PEX11G: variants seen among roughly 807,000 people sequenced by gnomAD.
PEX11G encodes peroxisomal membrane protein 11C.
PEX11G carries 20 observed loss-of-function variants against 22.5 expected under a neutral mutation model. The ratio of observed to expected loss-of-function variants is 0.89; its 90% confidence interval spans 0.62 to 1.29. The LOEUF (loss-of-function observed/expected upper bound fraction) is 1.29. Ranked by LOEUF, PEX11G falls within the 50% of genes most tolerant of loss-of-function variation. The pLI is 0.00. For missense variants in PEX11G, 347 were observed against 331.3 expected (o/e 1.05, Z -0.37); for synonymous variants, 141 against 154.5 (o/e 0.91, Z 0.65).
chr19:7,478,452 A>G (rs1214589751), intron 3 of PEX11G, 76 bp from the exon 4 acceptor site: 2 of 1,456,322 alleles, frequency 1.4e-6, no homozygotes, highest in Non-Finnish European at 1.9e-6. Context: ...GGCCCCGGAC[A>G]TACAGTCTGG....
At chr19:7,490,217 G>T (rs1306494238), upstream of PEX11G, among the ~76,000 whole-genome samples, 2 of 152,014 alleles carry the variant, frequency 1.3e-5, no homozygotes, top group African/African-American at 4.8e-5. Flanking sequence ...TATGTTGAAG[G>T]TGCTATATAA....
intron 1 of PEX11G, among the ~76,000 whole-genome samples, chr19:7,494,719 A>C (rs778300332): frequency 7.2e-5 from 11 of 152,180 alleles, no homozygotes; most frequent in Non-Finnish European, 1.5e-4. Flanking sequence ...CTGGCCTGGC[A>C]GTCAAAGCAG....
Position 7,477,233 on chromosome 19 carries a change from G to A in PEX11G, c.695C>T (p.Ala232Val). The change falls in exon 5 of 5, where the codon GCC becomes GTC. Residue 232 changes from alanine (A) to valine (V), a missense_variant. Coordinates refer to ENST00000221480, the MANE Select transcript of PEX11G (RefSeq NM_080662.4). Reference sequence around the variant, plus strand: ...GGTAGTGGCCTCGGCCTGGCCGCCGGCCCGGGCCGCCTGGTACATGCTGAG... The same window carrying A: ...GGTAGTGGCCTCGGCCTGGCCGCCGACCCGGGCCGCCTGGTACATGCTGAG... The part of the protein sequence containing the change: ...SILSMYQAAR[A>V]GGQAEATTP 6.5e-7 allele frequency: 1 copy of A among 1,538,714 alleles called. No homozygotes were observed. The highest frequency in any genetic ancestry group is 8.7e-7 in the Non-Finnish European group (1 of 1,147,096).
upstream of PEX11G, among the ~76,000 whole-genome samples, chr19:7,493,446 C>A (rs915801220): frequency 3.3e-5 from 5 of 151,912 alleles, no homozygotes; most frequent in African/African-American, 4.8e-5. Context: ...CCACCCACTT[C>A]GGCCTCCCAA....
At chr19:7,488,177 T>C (rs2021747782) in intron 1 of PEX11G, among the ~76,000 whole-genome samples, 1 of 152,234 alleles carries the variant, frequency 6.6e-6, no homozygotes, top group African/African-American at 2.4e-5. Context: ...CTGTTTGGTA[T>C]GTAAACGTCC....
upstream of PEX11G, among the ~76,000 whole-genome samples, chr19:7,493,280 C>T (rs561171664): frequency 1.4e-5 from 2 of 147,602 alleles, no homozygotes; most frequent in South Asian, 4.3e-4. Context: ...GCCATCTCCA[C>T]CTCCCGGGTT....
At chr19:7,487,253 G>A (rs1186844352) in intron 1 of PEX11G, among the ~76,000 whole-genome samples, 1 of 152,134 alleles carries the variant, frequency 6.6e-6, no homozygotes, top group East Asian at 1.9e-4. Context: ...CAGCTAAAGT[G>A]TATATTTACA....
In PEX11G at chr19:7,485,967, G is replaced by A. The variant is rs754176074; in HGVS notation, c.120C>T (p.Pro40=). The A allele has an allele frequency of 1.5e-4, 248 of 1,610,142 alleles. No individual in the cohort carries two copies. The highest frequency in any genetic ancestry group is 2.0e-4 in the Non-Finnish European group (241 of 1,177,262). ...LVGGVLVEQC[P]ARSEVGTRLL... ...GACGTGTCCCCACTTCGGACCTGGC[G>A]GGACACTGTTCAACCAGAACTCCAC... The change falls in exon 2 of 5, where the codon CCC becomes CCT. Residue 40 remains proline, a synonymous_variant. Coordinates refer to ENST00000221480, the MANE Select transcript of PEX11G (RefSeq NM_080662.4).
chr19:7,483,795 A>G (rs1977616365), intron 2 of PEX11G, among the ~76,000 whole-genome samples: 1 of 152,020 alleles, frequency 6.6e-6, no homozygotes, highest in South Asian at 2.1e-4. Context: ...GAGAACAGAC[A>G]GGGCAGCCCA....
intron 2 of PEX11G, among the ~76,000 whole-genome samples, chr19:7,483,796 G>A (rs555013250): frequency 4.4e-4 from 67 of 152,214 alleles, no homozygotes; most frequent in African/African-American, 1.5e-3. Context: ...AGAACAGACA[G>A]GGCAGCCCAG....
chr19:7,491,849 G>A (rs191301017), upstream of PEX11G, among the ~76,000 whole-genome samples: 90 of 151,886 alleles, frequency 5.9e-4, 1 homozygote, highest in South Asian at 1.0e-3. Flanking sequence ...GTAGAGATGC[G>A]GTCTCGCTAT....
Position 7,477,430 on chromosome 19 carries a change from C to CA in PEX11G, c.497dup (p.Pro167AlafsTer123). ...CCATGGCCCTCCGCTTGCCCCGGGG[C>CA]AGCGGGCTGTGGGGCAGAGAGGGGC... On this transcript the variant is annotated frameshift_variant, in exon 5 of 5. Coordinates refer to ENST00000221480, the MANE Select transcript of PEX11G (RefSeq NM_080662.4). LOFTEE classifies it low-confidence loss of function (END_TRUNC). 1 of 1,447,168 alleles carries CA rather than the reference C, an allele frequency of 6.9e-7. No homozygotes were observed. The allele number at this position is 1,447,168 out of a possible 1,614,324, so 89.6% of individuals were successfully genotyped here.
chr19:7,485,819 GC>G lies in PEX11G; in HGVS notation c.249+18del, dbSNP rs1268499022. On this transcript the variant is annotated intron_variant, in intron 2 of 4. Coordinates refer to ENST00000221480, the MANE Select transcript of PEX11G (RefSeq NM_080662.4). ...TCAGGTCCGCACCCTACTCCCTAGA[GC>G]CCCACAAACCCTGTTACCTGTGCCC... 2 of 1,578,050 alleles carry G rather than the reference GC, an allele frequency of 1.3e-6. No individual in the cohort carries two copies. Among genetic ancestry groups the G allele is most frequent in the African/African-American group, 1.3e-5 (1 of 74,252 alleles).
chr19:7,485,276 T>C (rs1275832619), intron 2 of PEX11G, among the ~76,000 whole-genome samples: 1 of 152,208 alleles, frequency 6.6e-6, no homozygotes, highest in Non-Finnish European at 1.5e-5. Context: ...GTTCAAGTGA[T>C]TCTCCTGCCT....
rs1937343820 is a variant in PEX11G at position 7,482,281 on chromosome 19, G to A, written c.250-70C>T. ...CTGCCCATTTTAGCACCGTAGCCATGCCAGGTGGCAGAGAGCTATTTCCTG... is the reference window on the plus strand; with the variant it reads ...CTGCCCATTTTAGCACCGTAGCCATACCAGGTGGCAGAGAGCTATTTCCTG... On this transcript the variant is annotated intron_variant, in intron 2 of 4. Coordinates refer to ENST00000221480, the MANE Select transcript of PEX11G (RefSeq NM_080662.4). 8 of 1,444,368 alleles carry A rather than the reference G, an allele frequency of 5.5e-6. No individual in the cohort carries two copies. In the South Asian group the frequency reaches 1.1e-4, roughly 19 times the overall value. The allele number at this position is 1,444,368 out of a possible 1,614,324, so 89.5% of individuals were successfully genotyped here. A position where few individuals can be genotyped will look rare whatever the true frequency, so the allele number is the denominator to read the frequency against.
chr19:7,485,791 C>T, intron 2 of PEX11G, 47 bp downstream of exon 2: 1 of 1,467,532 alleles, frequency 6.8e-7, no homozygotes, highest in Non-Finnish European at 9.1e-7. Flanking sequence ...AAAAAATGTC[C>T]ACTCAGGTCC....
At chr19:7,478,959 G>A (rs1358809137) in intron 3 of PEX11G, among the ~76,000 whole-genome samples, 7 of 152,130 alleles carry the variant, frequency 4.6e-5, no homozygotes, top group African/African-American at 1.2e-4. Context: ...CTCTGCAGCC[G>A]TGCATGGCAC....
chr19:7,482,736 T>A (rs997475751), intron 2 of PEX11G, among the ~76,000 whole-genome samples: 17 of 152,200 alleles, frequency 1.1e-4, no homozygotes, highest in African/African-American at 3.1e-4. Flanking sequence ...TGCCAACCCT[T>A]GGGCCACCGC....
chr19:7,487,108 CA>C (rs1221083963), intron 1 of PEX11G, among the ~76,000 whole-genome samples: 1 of 151,786 alleles, frequency 6.6e-6, no homozygotes, highest in East Asian at 1.9e-4. Context: ...GGAGGTGGGA[CA>C]AATGAAGAAA....
Sources: gnomAD v4.1 joint callset for allele counts (sites outside exome capture counted in the v4.1 genomes callset) on GRCh38, gnomAD v4.1.1 for gene constraint, MANE v1.5 for transcripts, NCBI Gene and HGNC (gene_info 2026-07-23, HGNC 2026-07-21) for gene names.